The following SYNDIG1 variants were observed in gnomAD, a reference collection of about 807,000 sequenced individuals.
SYNDIG1 encodes synapse differentiation inducing 1, also known as synapse differentiation-inducing gene protein 1.
A neutral mutation model predicts 19.4 loss-of-function variants in SYNDIG1; 9 were observed. The observed-to-expected ratio is 0.46, with a 90% CI of 0.28 to 0.81. The LOEUF (loss-of-function observed/expected upper bound fraction) is 0.81, where lower values mean the gene tolerates loss of function less well. Among genes scored for constraint, SYNDIG1 ranks in the 30% least tolerant of loss-of-function variants. SYNDIG1 has a pLI of 0.12. For missense variants in SYNDIG1, 311 were observed against 343.3 expected (o/e 0.91, Z 0.74); for synonymous variants, 141 against 145.9 (o/e 0.97, Z 0.24).
intron 1 of SYNDIG1, among the ~76,000 whole-genome samples, chr20:24,506,994 C>A (rs1391672124): frequency 6.6e-6 from 1 of 152,166 alleles, no homozygotes; most frequent in Non-Finnish European, 1.5e-5. Context: ...CCAGAAGCCC[C>A]CTGAGATAAG....
intron 3 of SYNDIG1, among the ~76,000 whole-genome samples, chr20:24,651,400 A>G (rs1300701720): frequency 1.3e-5 from 2 of 152,208 alleles, no homozygotes; most frequent in Non-Finnish European, 2.9e-5. Context: ...CTTCCCCACC[A>G]AGAGCCTATC....
chr20:24,584,621 C>T lies in SYNDIG1; in HGVS notation c.481-235C>T, dbSNP rs188927317. ...CTGCAAACGAGTGACCCAAGAGCCC[C>T]GTACTTGGCATTATTATTTTCCTGC... On this transcript the variant is annotated intron_variant, in intron 2 of 3. Transcript: ENST00000376862. Among the ~76,000 whole-genome samples the T allele has an allele frequency of 4.6e-5, 7 of 152,308 alleles. No homozygotes were observed. The East Asian group carries it at 9.7e-4, about 21-fold the overall frequency.
At chr20:24,561,457 A>G (rs752253978) in intron 2 of SYNDIG1, among the ~76,000 whole-genome samples, 2 of 152,010 alleles carry the variant, frequency 1.3e-5, no homozygotes, top group South Asian at 2.1e-4. Context: ...CTCTCAAGCA[A>G]TTCAACCCCT....
chr20:24,473,117 A>C (rs1204333342), intron 1 of SYNDIG1, among the ~76,000 whole-genome samples: 1 of 151,362 alleles, frequency 6.6e-6, no homozygotes, highest in Non-Finnish European at 1.5e-5. Flanking sequence ...CATTATCAGC[A>C]AAATTCTTTG....
At chr20:24,548,943 CAAAT>C (rs1425136620) in intron 2 of SYNDIG1, among the ~76,000 whole-genome samples, 4 of 151,844 alleles carry the variant, frequency 2.6e-5, no homozygotes, top group Non-Finnish European at 5.9e-5. Context: ...TTTTAATAGA[CAAAT>C]AAATGGGATA....
chr20:24,615,150 C>T lies in SYNDIG1; in HGVS notation c.618+30157C>T, dbSNP rs529326481. On this transcript the variant is annotated intron_variant, in intron 3 of 3. Coordinates refer to ENST00000376862, the MANE Select transcript of SYNDIG1 (RefSeq NM_024893.3). ...AGCTTCCTTGCTAATGTTTGAACAT[C>T]GATGTAATTGGTCCACACAGCATTT... Among the ~76,000 whole-genome samples the T allele has an allele frequency of 1.3e-3, 203 of 152,294 alleles. 1 individual carries two copies. Among genetic ancestry groups the T allele is most frequent in the African/African-American group, 4.7e-3 (194 of 41,542 alleles).
At chr20:24,567,132 G>A (rs780398758) in intron 2 of SYNDIG1, among the ~76,000 whole-genome samples, 7 of 152,076 alleles carry the variant, frequency 4.6e-5, no homozygotes, top group African/African-American at 9.7e-5. Flanking sequence ...TCAGGCTTGC[G>A]GATGGTTTGA....
At chr20:24,561,765 A>G (rs1259258490) in intron 2 of SYNDIG1, among the ~76,000 whole-genome samples, 3 of 152,044 alleles carry the variant, frequency 2.0e-5, no homozygotes, top group African/African-American at 7.3e-5. Flanking sequence ...ATACTATCTA[A>G]GCGCTGGGCG....
chr20:24,662,727 C>A (rs933771979), intron 3 of SYNDIG1, among the ~76,000 whole-genome samples: 6 of 152,258 alleles, frequency 3.9e-5, no homozygotes, highest in African/African-American at 1.2e-4. Flanking sequence ...ACTTTCTAAC[C>A]GCCTGCACTT....
chr20:24,523,134 C>A (rs1391599806), intron 1 of SYNDIG1, among the ~76,000 whole-genome samples: 2 of 152,236 alleles, frequency 1.3e-5, no homozygotes, highest in Non-Finnish European at 2.9e-5. Context: ...GGCTATGAGT[C>A]AGACCCTGAA....
In SYNDIG1 at chr20:24,634,434, A is replaced by G. The variant is rs184961826; in HGVS notation, c.619-30912A>G. On this transcript the variant is annotated intron_variant, in intron 3 of 3. Coordinates refer to ENST00000376862, the MANE Select transcript of SYNDIG1 (RefSeq NM_024893.3). The stretch of plus-strand genomic sequence containing the variant: ...TTCCACCAAGTCAAAGGTTATTCAC[A>G]TGTAAATTTAGCTACATACTGTAAC... Among the ~76,000 whole-genome samples the G allele has an allele frequency of 9.2e-5, 14 of 152,356 alleles. No homozygotes were observed. The East Asian group carries it at 2.7e-3, about 29-fold the overall frequency.
intron 1 of SYNDIG1, among the ~76,000 whole-genome samples, chr20:24,490,994 C>T (rs1230767466): frequency 3.9e-5 from 6 of 152,194 alleles, no homozygotes; most frequent in African/African-American, 9.6e-5. Flanking sequence ...GCCATGGAGT[C>T]GTGGCCCCTG....
intron 3 of SYNDIG1, among the ~76,000 whole-genome samples, chr20:24,600,803 C>T (rs374253104): frequency 3.8e-4 from 58 of 152,106 alleles, no homozygotes; most frequent in African/African-American, 8.2e-4. Context: ...TTAGTAAAGA[C>T]GGAGTTTCAC....
chr20:24,646,949 C>T (rs184987367), intron 3 of SYNDIG1, among the ~76,000 whole-genome samples: 6 of 152,306 alleles, frequency 3.9e-5, no homozygotes, highest in African/African-American at 1.4e-4. Flanking sequence ...TTCCAGCCTA[C>T]ATAGTTATGA....
intron 3 of SYNDIG1, among the ~76,000 whole-genome samples, chr20:24,596,181 A>G (rs1284272003): frequency 6.6e-6 from 1 of 152,184 alleles, no homozygotes; most frequent in Non-Finnish European, 1.5e-5. Context: ...GTTTCAAAGA[A>G]TTCCTTGATT....
intron 2 of SYNDIG1, among the ~76,000 whole-genome samples, chr20:24,574,018 G>A (rs527446265): frequency 5.8e-4 from 89 of 152,316 alleles, no homozygotes; most frequent in South Asian, 1.5e-3. Flanking sequence ...ATTCCAGAGA[G>A]ATAACTCAGA....
intron 3 of SYNDIG1, among the ~76,000 whole-genome samples, chr20:24,661,757 A>G (rs1285559996): frequency 6.6e-6 from 1 of 152,050 alleles, no homozygotes; most frequent in Non-Finnish European, 1.5e-5. Flanking sequence ...CACTCCCCCA[A>G]CTAGAGCAAG....
intron 3 of SYNDIG1, among the ~76,000 whole-genome samples, chr20:24,593,277 G>C (rs753737025): frequency 6.6e-5 from 10 of 152,244 alleles, no homozygotes; most frequent in Non-Finnish European, 1.2e-4. Context: ...GGTTCCACTT[G>C]TAAGTCAGAA....
intron 3 of SYNDIG1, among the ~76,000 whole-genome samples, chr20:24,643,799 A>T (rs1305809204): frequency 6.6e-6 from 1 of 152,240 alleles, no homozygotes; most frequent in Admixed American, 6.5e-5. Context: ...GTCATACAGA[A>T]TAGTTTCAGA....
Sources: gnomAD v4.1 joint callset for allele counts (sites outside exome capture counted in the v4.1 genomes callset) on GRCh38, gnomAD v4.1.1 for gene constraint, MANE v1.5 for transcripts, NCBI Gene and HGNC (gene_info 2026-07-23, HGNC 2026-07-21) for gene names.